ZFP82: variants seen among roughly 807,000 people sequenced by gnomAD.
The protein encoded by ZFP82 is ZFP82 zinc finger protein, also known as zinc finger protein 82 homolog.
A neutral mutation model predicts 54.0 loss-of-function variants in ZFP82; 30 were observed. That is an observed-to-expected ratio of 0.56 (90% CI 0.42 to 0.75). The LOEUF is 0.75. ZFP82 is among the 30% of genes least tolerant of loss of function. The probability of loss-of-function intolerance (pLI) is 0.00; values close to 1 mark genes in which losing one functional copy is unlikely to be tolerated. For missense variants in ZFP82, 500 were observed against 636.8 expected, an observed-to-expected ratio of 0.79 and a Z score of 2.31; for synonymous variants, 194 against 209.5, an observed-to-expected ratio of 0.93 and a Z score of 0.64.
In ZFP82 at chr19:36,389,102, T is replaced by G. The variant is rs1244471360; in HGVS notation, c.*3639A>C. Among the ~76,000 whole-genome samples the G allele has an allele frequency of 6.6e-6, 1 of 151,328 alleles. No individual in the cohort carries two copies. Among genetic ancestry groups the G allele is most frequent in the African/African-American group, 2.4e-5 (1 of 41,152 alleles). ...ATTGCCAGGCTGGAGTGCAGTGGTG[T>G]GATCTCAGCTCACTGCAACCTCCGC... On this transcript the variant is annotated 3_prime_UTR_variant, in exon 5 of 5. Coordinates refer to ENST00000392161, the MANE Select transcript of ZFP82 (RefSeq NM_133466.4).
rs541747925 is a variant in ZFP82, at chr19:36,405,434, A to T, written c.229+146T>A. 7.9e-6 allele frequency: 4 copies of T among 505,302 alleles called. No individual in the cohort carries two copies. The East Asian group carries it at 1.2e-4, about 15-fold the overall frequency. 31.3% of individuals were successfully genotyped at this position (505,302 alleles called of 1,614,324 possible). A position where few individuals can be genotyped will look rare whatever the true frequency, so the allele number is the denominator to read the frequency against. ...CAGACCTTTCCTCCTTGGGCCACAGACCTTTCCTCCTTGGGCCACAGACCT... is the reference window on the plus strand; with the variant it reads ...CAGACCTTTCCTCCTTGGGCCACAGTCCTTTCCTCCTTGGGCCACAGACCT... On this transcript the variant is annotated intron_variant, in intron 4 of 4. Transcript: ENST00000392161.
chr19:36,393,157 C>T lies in ZFP82; in HGVS notation c.1183G>A (p.Glu395Lys), dbSNP rs1292048626. 16 of 1,613,704 alleles carry T rather than the reference C, an allele frequency of 9.9e-6. No homozygotes were observed. Among genetic ancestry groups the T allele is most frequent in the African/African-American group, 2.7e-5 (2 of 74,840 alleles). Reference sequence around the variant, plus strand: ...AAGGCTTTCCAGCATTCCTTACATTCGTAAGGTTTTTCACCAGTATGAATT... The same window carrying T: ...AAGGCTTTCCAGCATTCCTTACATTTGTAAGGTTTTTCACCAGTATGAATT... Reference protein sequence around the residue: ...HRIHTGEKPYECKECWKAFSR... With the variant: ...HRIHTGEKPYKCKECWKAFSR... The change falls in exon 5 of 5, where the codon GAA becomes AAA. Residue 395 changes from glutamate to lysine, a missense_variant. Glu to Lys is a moderately conservative substitution (Grantham distance 56). Transcript: ENST00000392161.
rs1194868584 is a variant in ZFP82 at position 36,390,858 on chromosome 19, TC to T, written c.*1882del. The T allele has an allele frequency of 2.0e-5, 3 of 152,308 alleles. No homozygotes were observed. The highest frequency in any genetic ancestry group is 1.3e-4 in the Admixed American group (2 of 15,294). 9.4% of individuals were successfully genotyped at this position (152,308 alleles called of 1,614,324 possible). On this transcript the variant is annotated 3_prime_UTR_variant, in exon 5 of 5. Coordinates refer to ENST00000392161, the MANE Select transcript of ZFP82 (RefSeq NM_133466.4). ...ATCTCGGCTCACTGCAAGCTCCGCC[TC>T]CCGGGTTCAAGCCATTCTCCTGCCT...
rs752292442 is a variant in ZFP82, at chr19:36,394,244, G to GA, written c.230-135dup. 1.2e-3 allele frequency: 957 copies of GA among 798,610 alleles called. 1 individual carries two copies. Among genetic ancestry groups the GA allele is most frequent in the South Asian group, 1.9e-3 (91 of 47,568 alleles). 49.5% of individuals were successfully genotyped at this position (798,610 alleles called of 1,614,324 possible). On this transcript the variant is annotated intron_variant, in intron 4 of 4. Coordinates refer to ENST00000392161, the MANE Select transcript of ZFP82 (RefSeq NM_133466.4). ...AAAATATTGTTATACAATTTGGAAA[G>GA]AAAAAAAAAGCCAAAGGGAACATCA...
At chr19:36,409,993 G>A (rs758732142) in intron 1 of ZFP82, 126 bp from the exon 2 acceptor site, 29 of 556,900 alleles carry the variant, frequency 5.2e-5, no homozygotes, top group African/African-American at 2.3e-4. Context: ...ACACACGCGC[G>A]CACACACACA....
intron 4 of ZFP82, among the ~76,000 whole-genome samples, chr19:36,402,920 C>T (rs1303770552): frequency 1.3e-5 from 2 of 151,724 alleles, no homozygotes; most frequent in African/African-American, 2.4e-5. Flanking sequence ...GGGCAGATCA[C>T]GAGATCAGGA....
Position 36,393,392 on chromosome 19 carries a change from C to A in ZFP82, c.948G>T (p.Gly316=). Residue 316 remains glycine (G), a synonymous_variant, in exon 5 of 5, where the codon GGG becomes GGT. Coordinates refer to ENST00000392161, the MANE Select transcript of ZFP82 (RefSeq NM_133466.4). The stretch of plus-strand genomic sequence containing the variant: ...GACCAGAGCCACACAAAAAGGCCTT[C>A]CCACATTCTTTGCATTCATAGAGCC... ...ADRLYECKEC[G]KAFLCGSGLR... 6.2e-7 allele frequency: 1 copy of A among 1,614,014 alleles called. No individual in the cohort carries two copies. Among genetic ancestry groups the A allele is most frequent in the South Asian group, 1.1e-5 (1 of 91,070 alleles).
chr19:36,399,754 T>C (rs1351230557), intron 4 of ZFP82, among the ~76,000 whole-genome samples: 1 of 152,196 alleles, frequency 6.6e-6, no homozygotes, highest in East Asian at 1.9e-4. Context: ...AAACTGGTGA[T>C]AAATACAGAT....
rs2032470155 is a variant in ZFP82, at chr19:36,405,692, T to TATA, written c.137-23_137-21dup. The TATA allele has an allele frequency of 1.9e-6, 3 of 1,548,506 alleles. No homozygotes were observed. In the East Asian group the frequency reaches 6.7e-5, roughly 35 times the overall value. On this transcript the variant is annotated intron_variant, in intron 3 of 4. Coordinates refer to ENST00000392161, the MANE Select transcript of ZFP82 (RefSeq NM_133466.4). ...AGCATCCTGCTTAGAAGAAAAGGAA[T>TATA]ATAAGGTACATGAAAATAAAAAATA...
Position 36,393,277 on chromosome 19 carries a change from G to A in ZFP82, c.1063C>T (p.Leu355Phe), listed in dbSNP as rs376723353. Reference sequence around the variant, plus strand: ...TCACCAGTATGAATTCTCTGATGGAGTGTTAGTTGTTGTCGCACTCTAAAG... The same window carrying A: ...TCACCAGTATGAATTCTCTGATGGAATGTTAGTTGTTGTCGCACTCTAAAG... ...KAFRVRQQLT[L>F]HQRIHTGEKP... is the part of the protein sequence containing the mutation. Residue 355 changes from leucine to phenylalanine, a missense_variant, in exon 5 of 5, where the codon CTC becomes TTC. Transcript: ENST00000392161. The A allele has an allele frequency of 2.1e-5, 34 of 1,613,800 alleles. No individual in the cohort carries two copies. Among genetic ancestry groups the A allele is most frequent in the East Asian group, 1.6e-4 (7 of 44,842 alleles).
At chr19:36,411,718 A>G (rs35186959) in intron 1 of ZFP82, among the ~76,000 whole-genome samples, 6,838 of 152,150 alleles carry the variant, frequency 0.045, 218 homozygotes, top group Non-Finnish European at 0.066. Context: ...ACAAAAAATT[A>G]GCCGGGCATG....
At chr19:36,385,622 A>G (rs1568479953), downstream of ZFP82, among the ~76,000 whole-genome samples, 1 of 152,212 alleles carries the variant, frequency 6.6e-6, no homozygotes, top group Non-Finnish European at 1.5e-5. Context: ...TTTAGAGATT[A>G]CTTCAGTGGT....
intron 4 of ZFP82, among the ~76,000 whole-genome samples, chr19:36,402,468 C>CAA (rs377338348): frequency 1.2e-4 from 7 of 57,430 alleles, no homozygotes; most frequent in South Asian, 8.3e-4. Context: ...GACTCCATCT[C>CAA]AAAAAAAAAA....
At position 36,390,100 on chromosome 19, in the gene ZFP82, C is replaced by T. The variant is rs1278345190; in HGVS notation, c.*2641G>A. On this transcript the variant is annotated 3_prime_UTR_variant, in exon 5 of 5. Coordinates refer to ENST00000392161, the MANE Select transcript of ZFP82 (RefSeq NM_133466.4). ...CTCTCACCCTCTGCCTCCTGATACA[C>T]CCAGGTGCTTCTTTACGTGACCCTG... 6.6e-6 allele frequency among the ~76,000 whole-genome samples: 1 copy of T among 152,166 alleles called. No homozygotes were observed. Among genetic ancestry groups the T allele is most frequent in the African/African-American group, 2.4e-5 (1 of 41,440 alleles).
At position 36,393,495 on chromosome 19, in the gene ZFP82, T is replaced by C; in HGVS notation, c.845A>G (p.Tyr282Cys). ...GGCTTTTCCACACTCTTTACACACATAGGGTTTCTCACCAGTATGAATCCT... is the reference window on the plus strand; with the variant it reads ...GGCTTTTCCACACTCTTTACACACACAGGGTTTCTCACCAGTATGAATCCT... ...HQRIHTGEKP[Y>C]VCKECGKAFR... The change falls in exon 5 of 5, where the codon TAT (tyrosine) becomes TGT (cysteine). Residue 282 changes from tyrosine (Y) to cysteine (C), a missense_variant. Transcript: ENST00000392161. 1.9e-6 allele frequency: 3 copies of C among 1,614,158 alleles called. No individual in the cohort carries two copies. The highest frequency in any genetic ancestry group is 2.7e-5 in the African/African-American group (2 of 75,046).
chr19:36,410,283 A>T (rs1203673830), intron 1 of ZFP82, among the ~76,000 whole-genome samples: 3 of 152,174 alleles, frequency 2.0e-5, no homozygotes, highest in African/African-American at 7.2e-5. Flanking sequence ...TCAGAATCAG[A>T]ATCATCCACA....
At chr19:36,385,051 T>C (rs1318868629), downstream of ZFP82, among the ~76,000 whole-genome samples, 1 of 152,028 alleles carries the variant, frequency 6.6e-6, no homozygotes, top group Non-Finnish European at 1.5e-5. Flanking sequence ...CATTTCCAAG[T>C]TTTTGGGAGA....
chr19:36,398,470 G>C (rs1386628842), intron 4 of ZFP82, among the ~76,000 whole-genome samples: 1 of 151,266 alleles, frequency 6.6e-6, no homozygotes, highest in African/African-American at 2.4e-5. Context: ...CCAGGAGGCA[G>C]AGGTTGCAAT....
At chr19:36,414,354 T>C (rs2032632141) in intron 1 of ZFP82, among the ~76,000 whole-genome samples, 1 of 150,936 alleles carries the variant, frequency 6.6e-6, no homozygotes, top group South Asian at 2.1e-4. Flanking sequence ...GGCTTGAAAA[T>C]GTAATTCTAC....
Sources: allele counts gnomAD v4.1 joint callset (sites outside exome capture counted in the v4.1 genomes callset), GRCh38; gene constraint gnomAD v4.1.1; transcripts MANE v1.5; gene names NCBI Gene and HGNC (gene_info 2026-07-23, HGNC 2026-07-21).